Variants in MED13L observed in about 807,000 individuals in gnomAD.
The protein encoded by MED13L is mediator complex subunit 13L.
In MED13L, 7 loss-of-function variants were observed where a neutral mutation model predicts 220.9. The observed-to-expected ratio is 0.03, with a 90% CI of 0.02 to 0.06. MED13L has a LOEUF of 0.06. Ranked by LOEUF, MED13L falls within the 10% of genes least tolerant of loss-of-function variation. The probability of loss-of-function intolerance (pLI) is 1.00; values close to 1 mark genes in which losing one functional copy is unlikely to be tolerated. For missense variants in MED13L, 1,965 were observed against 2,760.5 expected (o/e 0.71, Z 6.46); for synonymous variants, 1,011 against 1,015.2 (o/e 1.00, Z 0.08).
chr12:116,045,898 A>T (rs1477583128), intron 4 of MED13L, among the ~76,000 whole-genome samples: 1 of 151,962 alleles, frequency 6.6e-6, no homozygotes, highest in Admixed American at 6.6e-5. Context: ...ATATATTTCT[A>T]TAATAAAGTA....
chr12:116,068,972 ACGTCATTAC>A (rs1214516550), intron 4 of MED13L, among the ~76,000 whole-genome samples: 1 of 152,066 alleles, frequency 6.6e-6, no homozygotes, highest in Non-Finnish European at 1.5e-5. Context: ...TGCAGCACTA[ACGTCATTAC>A]CGAGTGCCAT....
chr12:116,099,978 AT>A (rs1049288639), intron 3 of MED13L, among the ~76,000 whole-genome samples: 4 of 152,160 alleles, frequency 2.6e-5, no homozygotes, highest in African/African-American at 9.6e-5. Flanking sequence ...AACTTAGATG[AT>A]TTTTCATTTG....
At chr12:116,248,089 T>C (rs1258457818) in intron 1 of MED13L, among the ~76,000 whole-genome samples, 1 of 152,212 alleles carries the variant, frequency 6.6e-6, no homozygotes, top group Non-Finnish European at 1.5e-5. Context: ...GTCATATGGC[T>C]AGAGGCTATC....
At chr12:116,033,744 A>G (rs1445178270) in intron 4 of MED13L, among the ~76,000 whole-genome samples, 1 of 146,672 alleles carries the variant, frequency 6.8e-6, no homozygotes, top group East Asian at 2.0e-4. Context: ...AGTATGAATC[A>G]TGAGTGTGTG....
At chr12:116,140,004 A>G (rs1014000890) in intron 2 of MED13L, among the ~76,000 whole-genome samples, 13 of 151,884 alleles carry the variant, frequency 8.6e-5, no homozygotes, top group Non-Finnish European at 1.5e-4. Context: ...TGCTGGATAA[A>G]TAGATGAATG....
chr12:115,987,333 A>C (rs1294882719), intron 17 of MED13L, 45 bp from the exon 18 acceptor site: 4 of 1,531,566 alleles, frequency 2.6e-6, no homozygotes, highest in Non-Finnish European at 3.6e-6. Flanking sequence ...GGGGGCTAGC[A>C]CCCTCCTCTT....
chr12:116,143,665 C>T (rs923865159), intron 2 of MED13L, among the ~76,000 whole-genome samples: 3 of 152,154 alleles, frequency 2.0e-5, no homozygotes, highest in Admixed American at 6.5e-5. Context: ...CATTAAATGA[C>T]TTTTGTGGCC....
intron 2 of MED13L, among the ~76,000 whole-genome samples, chr12:116,213,589 T>C (rs1241990323): frequency 6.6e-6 from 1 of 152,138 alleles, no homozygotes; most frequent in Admixed American, 6.5e-5. Context: ...AATTTTGTAT[T>C]TTTAGTAGAG....
At chr12:116,269,128 G>A (rs1211995001) in intron 1 of MED13L, among the ~76,000 whole-genome samples, 2 of 152,016 alleles carry the variant, frequency 1.3e-5, no homozygotes, top group Admixed American at 6.6e-5. Flanking sequence ...GCACAATCTC[G>A]GCTCACCGCA....
intron 22 of MED13L, chr12:115,982,114 A>G: frequency 2.5e-6 from 1 of 404,278 alleles, no homozygotes; most frequent in South Asian, 2.8e-5. Context: ...AAAATATTGT[A>G]TAAAATTACC....
Position 116,132,279 on chromosome 12 carries a change from C to CAAAAA in MED13L, c.311-20772_311-20768dup, listed in dbSNP as rs1005783459. ...TGGGCAAGAGAGCAATACTTCGTCT[C>CAAAAA]AAAAAAAAAAAAAAAAAAAAAATCA... On this transcript the variant is annotated intron_variant, in intron 2 of 30. Coordinates refer to ENST00000281928, the MANE Select transcript of MED13L (RefSeq NM_015335.5). Among the ~76,000 whole-genome samples, 11 of 77,424 alleles carry CAAAAA rather than the reference C, an allele frequency of 1.4e-4. No individual in the cohort carries two copies. In the East Asian group the frequency reaches 3.9e-3, roughly 27 times the overall value. 50.8% of individuals were successfully genotyped at this position (77,424 alleles called of 152,430 possible). A position where few individuals can be genotyped will look rare whatever the true frequency, so the allele number is the denominator to read the frequency against.
At chr12:116,166,494 GA>G (rs941124330) in intron 2 of MED13L, among the ~76,000 whole-genome samples, 6 of 152,024 alleles carry the variant, frequency 3.9e-5, no homozygotes, top group African/African-American at 1.5e-4. Flanking sequence ...TAAGGCATGA[GA>G]ATCACTTGAG....
At chr12:116,088,882 C>G (rs1017383443) in intron 4 of MED13L, among the ~76,000 whole-genome samples, 3 of 151,792 alleles carry the variant, frequency 2.0e-5, no homozygotes, top group African/African-American at 7.3e-5. Flanking sequence ...TATCATTGTT[C>G]AGAATATAAT....
chr12:116,216,853 C>T (rs891219127), intron 2 of MED13L, among the ~76,000 whole-genome samples: 1 of 152,110 alleles, frequency 6.6e-6, no homozygotes, highest in Non-Finnish European at 1.5e-5. Flanking sequence ...CTGAAAATCT[C>T]CAACAAAGAT....
At chr12:116,273,542 G>A (rs1873565346) in intron 1 of MED13L, among the ~76,000 whole-genome samples, 1 of 148,922 alleles carries the variant, frequency 6.7e-6, no homozygotes, top group South Asian at 2.1e-4. Context: ...TTCCCATTCT[G>A]CAAAAAAATC....
At position 116,156,100 on chromosome 12, in the gene MED13L, C is replaced by T. The variant is rs961049639; in HGVS notation, c.311-44588G>A. On this transcript the variant is annotated intron_variant, in intron 2 of 30. Coordinates refer to ENST00000281928, the MANE Select transcript of MED13L (RefSeq NM_015335.5). The stretch of plus-strand genomic sequence containing the variant: ...CTCTCATTTTACTTCATGCTATTAT[C>T]GTAAATAACTATCATTTTTATTTCT... Among the ~76,000 whole-genome samples, 4 of 152,024 alleles carry T rather than the reference C, an allele frequency of 2.6e-5. No individual in the cohort carries two copies. The East Asian group carries it at 5.8e-4, about 22-fold the overall frequency.
intron 2 of MED13L, among the ~76,000 whole-genome samples, chr12:116,190,312 A>G (rs978688729): frequency 3.3e-5 from 5 of 152,204 alleles, no homozygotes; most frequent in Admixed American, 6.5e-5. Context: ...TCAATGGATT[A>G]TTGTGTTTGA....
chr12:116,144,263 A>G (rs1332445052), intron 2 of MED13L, among the ~76,000 whole-genome samples: 2 of 152,214 alleles, frequency 1.3e-5, no homozygotes, highest in African/African-American at 4.8e-5. Flanking sequence ...TAAAGTCCAC[A>G]TCCTAATTTT....
intron 4 of MED13L, among the ~76,000 whole-genome samples, chr12:116,024,575 G>A (rs1430341108): frequency 3.9e-5 from 6 of 152,006 alleles, no homozygotes; most frequent in African/African-American, 1.4e-4. Context: ...TATTCTGTGG[G>A]TTACCCTTTC....
Sources: gnomAD v4.1 joint callset for allele counts (sites outside exome capture counted in the v4.1 genomes callset) on GRCh38, gnomAD v4.1.1 for gene constraint, MANE v1.5 for transcripts, NCBI Gene and HGNC (gene_info 2026-07-23, HGNC 2026-07-21) for gene names.